SPTAN1: variants seen among roughly 807,000 people sequenced by gnomAD.
SPTAN1 encodes spectrin alpha chain, non-erythrocytic 1.
A neutral mutation model predicts 331.3 loss-of-function variants in SPTAN1; 61 were observed. The ratio of observed to expected loss-of-function variants is 0.18; its 90% CI spans 0.15 to 0.23. SPTAN1 has a LOEUF of 0.23. SPTAN1 is among the 10% of genes least tolerant of loss of function. The pLI is 1.00. For missense variants in SPTAN1, 2,043 were observed against 3,147.9 expected (o/e 0.65, Z 8.40); for synonymous variants, 1,153 against 1,173.9 (o/e 0.98, Z 0.36).
At position 128,627,578 on chromosome 9, in the gene SPTAN1, G is replaced by T; in HGVS notation, c.6689+80G>T. On this transcript the variant is annotated intron_variant, in intron 50 of 56. Coordinates refer to ENST00000372739, the MANE Select transcript of SPTAN1 (RefSeq NM_001130438.3). This position sits in a 1 kb window ranked among gnomAD's most constrained non-coding sequence, Gnocchi z 4.9. ...CTGGGGAGCTTCCAGCCCCAAGGAG[G>T]TGGTGGTGCTTTGTGTAAAACCAGA... The T allele has an allele frequency of 7.5e-7, 1 of 1,326,904 alleles. No individual in the cohort carries two copies. 82.2% of individuals were successfully genotyped at this position (1,326,904 alleles called of 1,614,324 possible).
chr9:128,630,202 T>G, intron 51 of SPTAN1, 119 bp from the exon 52 acceptor site: 1 of 1,093,974 alleles, frequency 9.1e-7, no homozygotes, highest in Non-Finnish European at 1.4e-6. Flanking sequence ...GCAGTTAGGT[T>G]TGGTTTCCTT....
rs752146614 is a variant in SPTAN1, at chr9:128,577,489, G to A, written c.1068G>A (p.Arg356=). ...IRTLAAERHA[R]LNDSYRLQRF... ...CCTTGGCGGCAGAGAGACATGCACG[G>A]CTCAATGATTCATACAGGTGCAAAT... Residue 356 remains arginine (R), a synonymous_variant, in exon 8 of 57, where the codon CGG becomes CGA. Transcript: ENST00000372739. This position sits in a 1 kb window ranked among gnomAD's most constrained non-coding sequence, Gnocchi z 4.2. 1 of 1,613,944 alleles carries A rather than the reference G, an allele frequency of 6.2e-7. No individual in the cohort carries two copies. Among genetic ancestry groups the A allele is most frequent in the Non-Finnish European group, 8.5e-7 (1 of 1,180,036 alleles).
chr9:128,623,337 T>C (rs1304133294), intron 45 of SPTAN1, among the ~76,000 whole-genome samples: 1 of 152,036 alleles, frequency 6.6e-6, no homozygotes, highest in Non-Finnish European at 1.5e-5. Context: ...GTGCTGAAAT[T>C]ACAGGAGTGA....
chr9:128,564,994 G>A (rs1589143769), intron 1 of SPTAN1, among the ~76,000 whole-genome samples: 1 of 152,272 alleles, frequency 6.6e-6, no homozygotes, highest in East Asian at 1.9e-4. Flanking sequence ...CAAGAGGTGG[G>A]TTCTTTCTTC....
chr9:128,629,572 C>G lies in SPTAN1; in HGVS notation c.6708-749C>G, dbSNP rs185769071. The G allele has an allele frequency of 1.8e-4, 34 of 186,394 alleles. No individual in the cohort carries two copies. The East Asian group carries it at 4.0e-3, about 22-fold the overall frequency. 11.5% of individuals were successfully genotyped at this position (186,394 alleles called of 1,614,324 possible). A position where few individuals can be genotyped will look rare whatever the true frequency, so the allele number is the denominator to read the frequency against. ...GGCCACACGCACCGTGTGATTCGTCCCTGCACGTAACCCTAACTCGTTTGT... is the reference window on the plus strand; with the variant it reads ...GGCCACACGCACCGTGTGATTCGTCGCTGCACGTAACCCTAACTCGTTTGT... On this transcript the variant is annotated intron_variant, in intron 51 of 56. Transcript: ENST00000372739. The surrounding 1 kb of genome is among the most constrained non-coding windows in gnomAD (Gnocchi z 4.9).
rs144590741 is a variant in SPTAN1, at chr9:128,580,960, G to A, written c.1362G>A (p.Glu454=). The A allele has an allele frequency of 6.2e-7, 1 of 1,613,646 alleles. No homozygotes were observed. The highest frequency in any genetic ancestry group is 1.3e-5 in the African/African-American group (1 of 74,916). Residue 454 remains glutamate (E), a synonymous_variant, in exon 11 of 57, where the codon GAG becomes GAA. Coordinates refer to ENST00000372739, the MANE Select transcript of SPTAN1 (RefSeq NM_001130438.3). ...CCGAGGAGAGAGCGGCGCTGCTGGA[G>A]CTGTGGGAGCTGCGCAGGCAGCAGT... The part of the protein sequence containing the change: ...VLSEERAALL[E]LWELRRQQYE...
At chr9:128,630,283 G>A (rs780352316) in intron 51 of SPTAN1, 38 bp from the exon 52 acceptor site, 3 of 1,608,538 alleles carry the variant, frequency 1.9e-6, no homozygotes, top group East Asian at 2.2e-5. Context: ...CGGCCAGCTG[G>A]GAGCAGGCCC....
At chr9:128,624,978 G>T in intron 46 of SPTAN1, 125 bp from the exon 47 acceptor site, 2 of 917,320 alleles carry the variant, frequency 2.2e-6, no homozygotes, top group Non-Finnish European at 1.8e-6. Context: ...GGGTTCTGAG[G>T]CTGTAGTTAG....
At chr9:128,604,260 C>G in intron 28 of SPTAN1, 66 bp from the exon 29 acceptor site, 18 of 1,535,542 alleles carry the variant, frequency 1.2e-5, no homozygotes, top group Middle Eastern at 1.7e-4. Flanking sequence ...GTCATTTTCC[C>G]AAAGTCTGAC....
intron 19 of SPTAN1, among the ~76,000 whole-genome samples, chr9:128,586,887 G>C (rs368776146): frequency 6.6e-6 from 1 of 151,144 alleles, no homozygotes; most frequent in Non-Finnish European, 1.5e-5. Context: ...GCATGATCTC[G>C]GATAACTGCA....
rs137947812 is a variant in SPTAN1 at position 128,579,657 on chromosome 9, A to G, written c.1242A>G (p.Glu414=). Residue 414 remains glutamate (E), a synonymous_variant, in exon 10 of 57, where the codon GAA becomes GAG. Transcript: ENST00000372739. Reference sequence around the variant, plus strand: ...TGTAGGGTGAAATTGATGCCCATGAAGACAGCTTCAAATCTGCAGATGAAT... The same window carrying G: ...TGTAGGGTGAAATTGATGCCCATGAGGACAGCTTCAAATCTGCAGATGAAT... ...QEHKGEIDAH[E]DSFKSADESG... 253 of 1,614,134 alleles carry G rather than the reference A, an allele frequency of 1.6e-4. 2 individuals are homozygous for G. In the South Asian group the frequency reaches 2.6e-3, roughly 16 times the overall value.
At position 128,626,531 on chromosome 9, in the gene SPTAN1, C is replaced by T. The variant is rs1442533335; in HGVS notation, c.6420C>T (p.Ala2140=). 1.2e-6 allele frequency: 2 copies of T among 1,614,096 alleles called. No individual in the cohort carries two copies. The highest frequency in any genetic ancestry group is 1.7e-6 in the Non-Finnish European group (2 of 1,180,040). ...AAGCTTTGCGCGAGGCCCACGACGC[C>T]TTCCGCTCCTCCCTCAGCTCTGCCC... ...EIKALREAHD[A]FRSSLSSAQA... is the part of the protein sequence containing the mutation. Residue 2140 remains alanine (A), a synonymous_variant, in exon 49 of 57, where the codon GCC becomes GCT. Coordinates refer to ENST00000372739, the MANE Select transcript of SPTAN1 (RefSeq NM_001130438.3).
intron 18 of SPTAN1, 45 bp downstream of exon 18, chr9:128,584,888 G>A (rs775921579): frequency 5.0e-6 from 8 of 1,613,810 alleles, no homozygotes; most frequent in Non-Finnish European, 6.8e-6. Context: ...TGCTCCTCGT[G>A]TCTCCCCTTC....
chr9:128,626,578 C>T lies in SPTAN1; in HGVS notation c.6467C>T (p.Ala2156Val). 1 of 1,613,958 alleles carries T rather than the reference C, an allele frequency of 6.2e-7. No homozygotes were observed. The highest frequency in any genetic ancestry group is 1.3e-5 in the African/African-American group (1 of 75,052). Reference protein sequence around the residue: ...SSAQADFNQLAELDRQIKSFR... With the variant: ...SSAQADFNQLVELDRQIKSFR... Reference sequence around the variant, plus strand: ...GCCCAGGCTGACTTCAACCAGCTGGCCGAGCTGGACCGCCAGATCAAGAGC... The same window carrying T: ...GCCCAGGCTGACTTCAACCAGCTGGTCGAGCTGGACCGCCAGATCAAGAGC... The change falls in exon 49 of 57, where the codon GCC becomes GTC. Residue 2156 changes from alanine to valine, a missense_variant. Physicochemically the swap from Ala to Val is moderately conservative, Grantham distance 64. Around this residue, in one of 12 missense-constraint regions of SPTAN1, gnomAD observed 256 missense variants for 376.4 expected, o/e 0.68. Coordinates refer to ENST00000372739, the MANE Select transcript of SPTAN1 (RefSeq NM_001130438.3).
At chr9:128,621,539 C>T (rs1689974304) in intron 45 of SPTAN1, 1 of 523,620 alleles carries the variant, frequency 1.9e-6, no homozygotes, top group Non-Finnish European at 3.5e-6. Context: ...AATACAGTCT[C>T]TTTATAGGGA....
At position 128,577,098 on chromosome 9, in the gene SPTAN1, C is replaced by T. The variant is rs1320236537; in HGVS notation, c.786-31C>T. On this transcript the variant is annotated intron_variant, in intron 6 of 56. Coordinates refer to ENST00000372739, the MANE Select transcript of SPTAN1 (RefSeq NM_001130438.3). This position sits in a 1 kb window ranked among gnomAD's most constrained non-coding sequence, Gnocchi z 4.2. ...TCCTAGTTCTAGGGAGTCATCATTG[C>T]TGTGGATTAACTGGTGCCTTTGTTC... is the stretch of plus-strand genomic sequence containing the variant. 1.9e-6 allele frequency: 3 copies of T among 1,614,104 alleles called. No individual in the cohort carries two copies. The highest frequency in any genetic ancestry group is 2.5e-6 in the Non-Finnish European group (3 of 1,180,028).
At chr9:128,563,710 C>T (rs941508100) in intron 1 of SPTAN1, among the ~76,000 whole-genome samples, 1 of 151,028 alleles carries the variant, frequency 6.6e-6, no homozygotes, top group Admixed American at 6.6e-5. Context: ...TTTATTCAAC[C>T]ATTTCTTTTT....
intron 1 of SPTAN1, among the ~76,000 whole-genome samples, chr9:128,555,791 AG>A (rs949323555): frequency 3.9e-5 from 6 of 152,224 alleles, no homozygotes; most frequent in Admixed American, 6.5e-5. Context: ...AGATATTTGG[AG>A]AAAATAATCT....
At chr9:128,628,044 G>A in intron 51 of SPTAN1, 102 bp downstream of exon 51, 9 of 1,450,958 alleles carry the variant, frequency 6.2e-6, no homozygotes, top group Non-Finnish European at 8.7e-6. Context: ...GGGCCTTCCT[G>A]CCCAGGGCGG....
Sources: gnomAD v4.1 joint callset for allele counts (sites outside exome capture counted in the v4.1 genomes callset) on GRCh38, gnomAD v4.1.1 for gene constraint, gnomAD v4.1.1 regional missense constraint, Gnocchi (gnomAD v3.1) non-coding constraint, MANE v1.5 for transcripts, NCBI Gene and HGNC (gene_info 2026-07-23, HGNC 2026-07-21) for gene names.